The following ITGA6 variants were observed in gnomAD, a reference collection of about 807,000 sequenced individuals.
ITGA6 encodes integrin alpha-6.
ITGA6 carries 63 observed loss-of-function variants against 133.6 expected under a neutral mutation model. That is an observed-to-expected ratio of 0.47 (90% CI 0.38 to 0.58). ITGA6 has a LOEUF of 0.58. Among genes scored for constraint, ITGA6 ranks in the 20% least tolerant of loss-of-function variants. ITGA6 has a pLI of 0.00. For synonymous variants in ITGA6, 434 were observed against 482.0 expected (o/e 0.90, Z 1.30); for missense variants, 1,068 against 1,309.4 (o/e 0.82, Z 2.85).
At chr2:172,478,510 CCACCG>C (rs1379235227) in intron 9 of ITGA6, among the ~76,000 whole-genome samples, 1 of 152,180 alleles carries the variant, frequency 6.6e-6, no homozygotes, top group Non-Finnish European at 1.5e-5. Flanking sequence ...ACCCCTCAAC[CCACCG>C]CATACCTGCA....
chr2:172,461,604 C>T (rs1685429138), intron 1 of ITGA6, among the ~76,000 whole-genome samples: 1 of 152,218 alleles, frequency 6.6e-6, no homozygotes. Context: ...ATGAGTGCTG[C>T]AGCTGCCCTG....
At chr2:172,444,562 A>G (rs1684673319) in intron 1 of ITGA6, among the ~76,000 whole-genome samples, 1 of 151,652 alleles carries the variant, frequency 6.6e-6, no homozygotes, top group Non-Finnish European at 1.5e-5. Flanking sequence ...CTCAGTAAGT[A>G]TTAATGCAAA....
chr2:172,457,660 A>G (rs1685266211), intron 1 of ITGA6, among the ~76,000 whole-genome samples: 1 of 152,178 alleles, frequency 6.6e-6, no homozygotes, highest in Non-Finnish European at 1.5e-5. Flanking sequence ...TCCCCGTTAT[A>G]TTCATTTATT....
chr2:172,495,110 T>C (rs569049779), intron 23 of ITGA6, among the ~76,000 whole-genome samples: 1 of 152,276 alleles, frequency 6.6e-6, no homozygotes, highest in East Asian at 1.9e-4. Flanking sequence ...CTGAATGAAG[T>C]TCAATGAGAA....
intron 1 of ITGA6, among the ~76,000 whole-genome samples, chr2:172,462,163 G>T (rs10165273): frequency 0.089 from 13,541 of 152,258 alleles, 901 homozygotes; most frequent in African/African-American, 0.19. Flanking sequence ...TCGGTGATGG[G>T]TTCTGCCACC....
intron 1 of ITGA6, among the ~76,000 whole-genome samples, chr2:172,437,362 T>C (rs1162964225): frequency 2.0e-5 from 3 of 152,220 alleles, no homozygotes; most frequent in African/African-American, 7.2e-5. Flanking sequence ...GCAATGAATA[T>C]AGTAAAAAGT....
rs746562488 is a variant in ITGA6, at chr2:172,467,465, A to G, written c.308-16A>G. On this transcript the variant is annotated splice_polypyrimidine_tract_variant and intron_variant, in intron 2 of 25. Coordinates refer to ENST00000684293, the MANE Select transcript of ITGA6 (RefSeq NM_000210.4). Reference sequence around the variant, plus strand: ...TGTGCAGTCACTTGGAAGGCTAACTATGCTCCTTTCTACAGCTGACCCCAC... The same window carrying G: ...TGTGCAGTCACTTGGAAGGCTAACTGTGCTCCTTTCTACAGCTGACCCCAC... The G allele has an allele frequency of 3.1e-6, 5 of 1,607,642 alleles. No individual in the cohort carries two copies. The highest frequency in any genetic ancestry group is 2.7e-5 in the African/African-American group (2 of 74,786).
At position 172,453,325 on chromosome 2, in the gene ITGA6, G is replaced by A. The variant is rs1464406459; in HGVS notation, c.183-12214G>A. ...GAGGATCGCTTAAGCTCAGGAGTTC[G>A]AGACCAGCCTGAGCAACACTGTAGA... On this transcript the variant is annotated intron_variant, in intron 1 of 25. Transcript: ENST00000684293. Among the ~76,000 whole-genome samples, 5 of 151,874 alleles carry A rather than the reference G, an allele frequency of 3.3e-5. No individual in the cohort carries two copies. The East Asian group carries it at 5.8e-4, about 18-fold the overall frequency.
rs1299972304 is a variant in ITGA6, at chr2:172,480,033, G to C, written c.1531G>C (p.Gly511Arg). ...SCFEYTANPA[G>R]YNPSISIVGT... ...TTTTGAATATACTGCTAACCCCGCT[G>C]GTTATAATCCTTCAATATGTAAGTA... Residue 511 changes from glycine (G) to arginine (R), a missense_variant, in exon 11 of 26, where the codon GGT becomes CGT. By Grantham distance (125) the Gly-to-Arg change is moderately radical. Transcript: ENST00000684293. The C allele has an allele frequency of 1.9e-6, 3 of 1,582,600 alleles. No homozygotes were observed. The highest frequency in any genetic ancestry group is 2.7e-5 in the African/African-American group (2 of 74,254).
chr2:172,447,491 C>T (rs777318211), intron 1 of ITGA6, among the ~76,000 whole-genome samples: 1 of 152,168 alleles, frequency 6.6e-6, no homozygotes, highest in Non-Finnish European at 1.5e-5. Flanking sequence ...AGGTGTGAGT[C>T]ACCACACCCA....
intron 1 of ITGA6, among the ~76,000 whole-genome samples, chr2:172,429,633 C>G (rs1684027764): frequency 6.6e-6 from 1 of 152,228 alleles, no homozygotes; most frequent in Admixed American, 6.5e-5. Flanking sequence ...CTTGCTAAAA[C>G]TTGTTACTGC....
chr2:172,496,272 T>C (rs1040236255), intron 23 of ITGA6, among the ~76,000 whole-genome samples: 2 of 152,208 alleles, frequency 1.3e-5, no homozygotes, highest in East Asian at 1.9e-4. Context: ...CGAGGCCACC[T>C]TGGGGCTCAG....
chr2:172,449,335 G>A (rs772871877), intron 1 of ITGA6, among the ~76,000 whole-genome samples: 3 of 152,154 alleles, frequency 2.0e-5, no homozygotes, highest in South Asian at 2.1e-4. Context: ...TGAGTAGTTC[G>A]TTTGCTACTT....
At chr2:172,467,415 T>G in intron 2 of ITGA6, 66 bp from the exon 3 acceptor site, 1 of 1,241,324 alleles carries the variant, frequency 8.1e-7, no homozygotes. Flanking sequence ...TTGCTTGTAT[T>G]TTTGTTCAGT....
chr2:172,437,754 G>A (rs1684381275), intron 1 of ITGA6, among the ~76,000 whole-genome samples: 1 of 152,186 alleles, frequency 6.6e-6, no homozygotes, highest in Non-Finnish European at 1.5e-5. Flanking sequence ...GGGCACCAAG[G>A]ACGGGGATGG....
intron 5 of ITGA6, 101 bp downstream of exon 5, chr2:172,471,206 G>T (rs1685920208): frequency 7.0e-7 from 1 of 1,424,558 alleles, no homozygotes; most frequent in Admixed American, 1.8e-5. Flanking sequence ...AGGCTGAGAA[G>T]AGGCCAGGTG....
intron 9 of ITGA6, among the ~76,000 whole-genome samples, chr2:172,478,603 C>A (rs1478978842): frequency 6.6e-6 from 1 of 152,204 alleles, no homozygotes; most frequent in Non-Finnish European, 1.5e-5. Context: ...GCAGCCAAAA[C>A]ATACGAAAAG....
intron 1 of ITGA6, among the ~76,000 whole-genome samples, chr2:172,429,330 A>G (rs1684014724): frequency 6.6e-6 from 1 of 152,100 alleles, no homozygotes; most frequent in Non-Finnish European, 1.5e-5. Flanking sequence ...GTAAATCTGA[A>G]ATGAAAGGTT....
chr2:172,462,297 T>G (rs1685459697), intron 1 of ITGA6, among the ~76,000 whole-genome samples: 1 of 152,172 alleles, frequency 6.6e-6, no homozygotes, highest in South Asian at 2.1e-4. Context: ...ACACTCCTGC[T>G]TCCTCCATCC....
Sources: gnomAD v4.1 joint callset for allele counts (sites outside exome capture counted in the v4.1 genomes callset) on GRCh38, gnomAD v4.1.1 for gene constraint, MANE v1.5 for transcripts, NCBI Gene and HGNC (gene_info 2026-07-23, HGNC 2026-07-21) for gene names.